The following ESRRG variants were observed in gnomAD, a reference collection of about 807,000 sequenced individuals.
The protein encoded by ESRRG is estrogen related receptor gamma, also known as estrogen-related receptor gamma.
Under a neutral mutation model 44.0 loss-of-function variants are expected in ESRRG, and 13 were observed. The observed-to-expected ratio is 0.30, with a 90% confidence interval of 0.19 to 0.47. ESRRG has a LOEUF of 0.47. Among genes scored for constraint, ESRRG ranks in the 20% least tolerant of loss-of-function variants. The pLI, the probability that ESRRG is intolerant of heterozygous loss-of-function variation, is 1.00. For missense variants in ESRRG, 395 were observed against 580.6 expected, an observed-to-expected ratio of 0.68 and a Z score of 3.29; for synonymous variants, 215 against 214.6, an observed-to-expected ratio of 1.00 and a Z score of -0.02.
intron 3 of ESRRG, among the ~76,000 whole-genome samples, chr1:216,606,672 A>G (rs2059974251): frequency 6.6e-6 from 1 of 152,160 alleles, no homozygotes; most frequent in Non-Finnish European, 1.5e-5. Flanking sequence ...TTAATATAAC[A>G]TGAGAGGAAC....
At chr1:216,895,727 C>T (rs973338457) in intron 2 of ESRRG, among the ~76,000 whole-genome samples, 4 of 152,106 alleles carry the variant, frequency 2.6e-5, no homozygotes, top group African/African-American at 7.2e-5. Flanking sequence ...ATGTGAGTTA[C>T]AGGACAAGGG....
intron 3 of ESRRG, among the ~76,000 whole-genome samples, chr1:216,593,425 T>C (rs1045500293): frequency 5.9e-5 from 9 of 152,352 alleles, no homozygotes; most frequent in East Asian, 1.9e-4. Context: ...ATTCAAACCC[T>C]GACATTGGGC....
In ESRRG at chr1:216,723,357, G is replaced by T; in HGVS notation, c.-58C>A. On this transcript the variant is annotated 5_prime_UTR_variant, in exon 1 of 7. It adds an upstream start codon to the 5' untranslated region. Transcript: ENST00000408911. ...GCTATAAATCAAAGTTTCCTTGACA[G>T]AGCACAGTGCAATTAACACAAATGT... is the stretch of plus-strand genomic sequence containing the variant. 6.6e-7 allele frequency: 1 copy of T among 1,524,650 alleles called. No homozygotes were observed. The highest frequency in any genetic ancestry group is 9.1e-7 in the Non-Finnish European group (1 of 1,099,010). 94.4% of individuals were successfully genotyped at this position (1,524,650 alleles called of 1,614,324 possible).
At chr1:216,576,074 A>T (rs796226153) in intron 3 of ESRRG, among the ~76,000 whole-genome samples, 6 of 152,150 alleles carry the variant, frequency 3.9e-5, no homozygotes, top group African/African-American at 1.4e-4. Context: ...TCTTCACTGC[A>T]GATTAGACAA....
Position 216,503,767 on chromosome 1 carries a change from T to C in ESRRG, c.*3172A>G, listed in dbSNP as rs1335816590. 2 of 152,566 alleles carry C rather than the reference T, an allele frequency of 1.3e-5. No individual in the cohort carries two copies. The highest frequency in any genetic ancestry group is 2.4e-5 in the African/African-American group (1 of 41,454). The allele number at this position is 152,566 out of a possible 1,614,324, so 9.5% of individuals were successfully genotyped here. ...CAAAATAGTGGAATAAATACAACAA[T>C]CTGATCTGATTGAAACACAAGTGTA... On this transcript the variant is annotated 3_prime_UTR_variant, in exon 7 of 7. Coordinates refer to ENST00000408911, the MANE Select transcript of ESRRG (RefSeq NM_001438.4).
chr1:217,120,239 C>G (rs1225978595), intron 1 of ESRRG, among the ~76,000 whole-genome samples: 1 of 151,876 alleles, frequency 6.6e-6, no homozygotes, highest in African/African-American at 2.4e-5. Context: ...ATTCTTGACA[C>G]CTCCCTCTCC....
At chr1:216,628,228 A>T (rs2063519423) in intron 3 of ESRRG, among the ~76,000 whole-genome samples, 1 of 152,140 alleles carries the variant, frequency 6.6e-6, no homozygotes, top group Non-Finnish European at 1.5e-5. Context: ...ACCTGATAGG[A>T]TCCAATCTTT....
intron 2 of ESRRG, among the ~76,000 whole-genome samples, chr1:216,914,719 C>T (rs1262040826): frequency 6.6e-6 from 1 of 152,156 alleles, no homozygotes; most frequent in African/African-American, 2.4e-5. Flanking sequence ...GTTCCTGATG[C>T]TCAACATAAT....
chr1:217,094,481 T>C (rs1171990961), upstream of ESRRG, among the ~76,000 whole-genome samples: 2 of 152,224 alleles, frequency 1.3e-5, no homozygotes, highest in Non-Finnish European at 2.9e-5. Flanking sequence ...TCCTTATTTG[T>C]CCTCATGTGT....
chr1:216,806,990 C>T (rs2094813454), intron 2 of ESRRG, among the ~76,000 whole-genome samples: 1 of 152,166 alleles, frequency 6.6e-6, no homozygotes, highest in Admixed American at 6.6e-5. Flanking sequence ...GTAGCTTCCT[C>T]TCGTATGTGA....
chr1:216,809,802 C>T (rs141743764), intron 2 of ESRRG, among the ~76,000 whole-genome samples: 1 of 152,210 alleles, frequency 6.6e-6, no homozygotes, highest in African/African-American at 2.4e-5. Context: ...CAGGATGTGG[C>T]ACAGCTAAGG....
chr1:216,642,292 G>A (rs957861999), intron 3 of ESRRG, among the ~76,000 whole-genome samples: 2 of 151,962 alleles, frequency 1.3e-5, no homozygotes, highest in Admixed American at 6.6e-5. Flanking sequence ...AAAGCACACA[G>A]CACATAGCCT....
chr1:217,014,538 A>G (rs1299219396), intron 1 of ESRRG, among the ~76,000 whole-genome samples: 2 of 152,116 alleles, frequency 1.3e-5, no homozygotes, highest in Non-Finnish European at 2.9e-5. Context: ...CATTTCCCCT[A>G]TGATACTGGT....
chr1:216,982,298 A>G (rs970534445), intron 1 of ESRRG, among the ~76,000 whole-genome samples: 2 of 151,520 alleles, frequency 1.3e-5, no homozygotes, highest in Non-Finnish European at 3.0e-5. Context: ...TATTTTCTAG[A>G]AAAAAGTATT....
At chr1:216,834,779 G>A (rs2095538136) in intron 2 of ESRRG, among the ~76,000 whole-genome samples, 1 of 152,154 alleles carries the variant, frequency 6.6e-6, no homozygotes, top group South Asian at 2.1e-4. Context: ...ACAAAATGTT[G>A]TCTAAGAAAC....
chr1:216,967,482 A>C (rs1026220029), intron 1 of ESRRG, among the ~76,000 whole-genome samples: 2 of 152,180 alleles, frequency 1.3e-5, no homozygotes, highest in African/African-American at 4.8e-5. Context: ...AGTTTAAATA[A>C]TATACTATAT....
intron 1 of ESRRG, among the ~76,000 whole-genome samples, chr1:217,035,690 A>T (rs1407078315): frequency 6.6e-6 from 1 of 152,032 alleles, no homozygotes; most frequent in African/African-American, 2.4e-5. Context: ...GAAAAAAAAA[A>T]AAAAATCAGG....
chr1:216,531,668 T>C (rs554948534), intron 5 of ESRRG, among the ~76,000 whole-genome samples: 2 of 152,256 alleles, frequency 1.3e-5, no homozygotes, highest in East Asian at 1.9e-4. Context: ...CGGTGGTATA[T>C]ATTTACTATG....
intron 3 of ESRRG, among the ~76,000 whole-genome samples, chr1:216,645,923 A>G (rs1388063005): frequency 1.3e-5 from 2 of 151,438 alleles, no homozygotes; most frequent in Non-Finnish European, 2.9e-5. Context: ...TATGAAGTTA[A>G]CAGGATTCTT....
Sources: gnomAD v4.1 joint callset for allele counts (sites outside exome capture counted in the v4.1 genomes callset) on GRCh38, gnomAD v4.1.1 for gene constraint, MANE v1.5 for transcripts, NCBI Gene and HGNC (gene_info 2026-07-23, HGNC 2026-07-21) for gene names.